Variants in PDE4D observed in about 807,000 individuals in gnomAD.
PDE4D encodes the protein phosphodiesterase 4D.
In PDE4D, 24 loss-of-function variants were observed where a neutral mutation model predicts 87.4. The ratio of observed to expected loss-of-function variants is 0.27; its 90% CI spans 0.20 to 0.39. The LOEUF is 0.39. Among genes scored for constraint, PDE4D ranks in the 10% least tolerant of loss-of-function variants. The probability of loss-of-function intolerance (pLI) is 1.00; values close to 1 mark genes in which losing one functional copy is unlikely to be tolerated. For synonymous variants in PDE4D, 384 were observed against 383.2 expected (o/e 1.00, Z -0.02); for missense variants, 714 against 1,041.0 (o/e 0.69, Z 4.32).
At chr5:59,771,468 AG>A (rs1170331472) in intron 1 of PDE4D, among the ~76,000 whole-genome samples, 1 of 90,448 alleles carries the variant, frequency 1.1e-5, no homozygotes, top group African/African-American at 4.9e-5. Context: ...AAAGAAAGAA[AG>A]AAAGAAAGAA....
chr5:59,029,319 AG>A (rs1756849867), intron 6 of PDE4D, among the ~76,000 whole-genome samples: 1 of 145,726 alleles, frequency 6.9e-6, no homozygotes, highest in Admixed American at 7.1e-5. Context: ...TGGGAGGCTG[AG>A]GCAGGAGAAC....
intron 1 of PDE4D, among the ~76,000 whole-genome samples, chr5:60,195,259 C>T (rs1056505118): frequency 1.3e-5 from 2 of 151,612 alleles, no homozygotes; most frequent in African/African-American, 4.8e-5. Context: ...CTGAATGCCT[C>T]CCACAGTATA....
intron 3 of PDE4D, among the ~76,000 whole-genome samples, chr5:59,952,559 G>A (rs981562571): frequency 1.3e-5 from 2 of 152,256 alleles, no homozygotes; most frequent in South Asian, 2.1e-4. Context: ...TTGGATTTAC[G>A]TTCTTTTCCT....
intron 2 of PDE4D, among the ~76,000 whole-genome samples, chr5:60,047,225 A>T (rs1194841944): frequency 6.6e-6 from 1 of 152,062 alleles, no homozygotes; most frequent in Non-Finnish European, 1.5e-5. Context: ...CCCCTTTATC[A>T]TTTTTTATTG....
At chr5:60,314,386 C>T (rs563958162) in intron 1 of PDE4D, among the ~76,000 whole-genome samples, 8 of 152,038 alleles carry the variant, frequency 5.3e-5, no homozygotes, top group East Asian at 1.9e-4. Flanking sequence ...AGGCTGGTCT[C>T]GAACTCCTGA....
At chr5:59,922,463 G>A (rs1306618261) in intron 3 of PDE4D, among the ~76,000 whole-genome samples, 2 of 152,126 alleles carry the variant, frequency 1.3e-5, no homozygotes, top group Non-Finnish European at 2.9e-5. Flanking sequence ...CACCTAAGGA[G>A]AGGAGAGGGA....
At chr5:59,620,218 T>C (rs1252837450) in intron 1 of PDE4D, among the ~76,000 whole-genome samples, 1 of 152,132 alleles carries the variant, frequency 6.6e-6, no homozygotes, top group Non-Finnish European at 1.5e-5. Context: ...CTCCATCCAA[T>C]TGGGTCTGGA....
At chr5:60,366,094 TC>T (rs1760519944) in intron 1 of PDE4D, among the ~76,000 whole-genome samples, 1 of 148,054 alleles carries the variant, frequency 6.8e-6, no homozygotes, top group South Asian at 2.2e-4. Context: ...AAATCCCAAA[TC>T]CCACTATTTC....
intron 1 of PDE4D, among the ~76,000 whole-genome samples, chr5:59,535,060 GGT>G (rs199972488): frequency 0.053 from 4,928 of 93,398 alleles, 158 homozygotes; most frequent in Middle Eastern, 0.067. Flanking sequence ...TGCTTAGATT[GGT>G]GTGTGTGTGT....
chr5:59,055,919 C>A (rs1762275563), intron 5 of PDE4D, among the ~76,000 whole-genome samples: 2 of 152,174 alleles, frequency 1.3e-5, no homozygotes, highest in South Asian at 4.1e-4. Context: ...ACTTCCAAAG[C>A]TTAGTTCAGA....
intron 1 of PDE4D, among the ~76,000 whole-genome samples, chr5:59,465,725 G>C (rs1273892590): frequency 6.6e-6 from 1 of 152,150 alleles, no homozygotes; most frequent in Admixed American, 6.5e-5. Context: ...GTGATAGATG[G>C]ATTATCTACT....
intron 3 of PDE4D, among the ~76,000 whole-genome samples, chr5:59,953,308 G>A (rs562478977): frequency 1.4e-4 from 22 of 151,978 alleles, no homozygotes; most frequent in African/African-American, 5.1e-4. Context: ...GATATTTTGC[G>A]ATTTAATGCA....
chr5:59,203,282 TGATGA>T (rs1414091338), intron 2 of PDE4D, among the ~76,000 whole-genome samples: 1 of 151,356 alleles, frequency 6.6e-6, no homozygotes, highest in East Asian at 1.9e-4. Context: ...ATTAAAACCA[TGATGA>T]GATATCACCT....
intron 1 of PDE4D, among the ~76,000 whole-genome samples, chr5:59,387,157 C>G (rs1160762316): frequency 6.6e-6 from 1 of 152,002 alleles, no homozygotes; most frequent in Non-Finnish European, 1.5e-5. Context: ...GCACCCAACC[C>G]CATTACTCTG....
chr5:59,985,754 G>A (rs1762403178), intron 3 of PDE4D, among the ~76,000 whole-genome samples: 1 of 152,036 alleles, frequency 6.6e-6, no homozygotes, highest in Non-Finnish European at 1.5e-5. Flanking sequence ...ATTGGTTTCG[G>A]GTCTACCACA....
intron 1 of PDE4D, among the ~76,000 whole-genome samples, chr5:59,231,813 C>T (rs576820293): frequency 6.6e-6 from 1 of 152,250 alleles, no homozygotes; most frequent in Non-Finnish European, 1.5e-5. Context: ...CCTTGATCTT[C>T]CTCGGTTAAC....
intron 1 of PDE4D, among the ~76,000 whole-genome samples, chr5:59,863,383 T>A (rs1274001201): frequency 6.6e-6 from 1 of 152,184 alleles, no homozygotes; most frequent in Non-Finnish European, 1.5e-5. Flanking sequence ...TCTTACTATT[T>A]TTTTTTCTAA....
At chr5:59,740,601 T>C (rs923688550) in intron 1 of PDE4D, among the ~76,000 whole-genome samples, 1 of 152,194 alleles carries the variant, frequency 6.6e-6, no homozygotes, top group Non-Finnish European at 1.5e-5. Context: ...GATACAAAGA[T>C]GCATGAATGA....
rs569514876 is a variant in PDE4D, at chr5:59,695,897, C to G, written c.455+197271G>C. Among the ~76,000 whole-genome samples the G allele has an allele frequency of 4.6e-5, 7 of 152,322 alleles. No homozygotes were observed. In the East Asian group the frequency reaches 1.4e-3, roughly 29 times the overall value. On this transcript the variant is annotated intron_variant, in intron 1 of 14. Transcript: ENST00000340635. Reference sequence around the variant, plus strand: ...GTGCTGAGATTACAGGCATGAGACACTGCTCTTGGCTGATTTAATTATTGT... The same window carrying G: ...GTGCTGAGATTACAGGCATGAGACAGTGCTCTTGGCTGATTTAATTATTGT...
Sources: allele counts gnomAD v4.1 joint callset (sites outside exome capture counted in the v4.1 genomes callset), GRCh38; gene constraint gnomAD v4.1.1; transcripts MANE v1.5; gene names NCBI Gene and HGNC (gene_info 2026-07-23, HGNC 2026-07-21).